Variants in ZNF438 observed in about 807,000 individuals in gnomAD.
ZNF438 encodes zinc finger protein 438.
In ZNF438, 25 loss-of-function variants were observed where a neutral mutation model predicts 38.0. The ratio of observed to expected loss-of-function variants is 0.66; its 90% CI spans 0.48 to 0.92. The LOEUF (loss-of-function observed/expected upper bound fraction) is 0.92, where lower values mean the gene tolerates loss of function less well. ZNF438 is among the 40% of genes least tolerant of loss of function. ZNF438 has a pLI of 0.00. For synonymous variants in ZNF438, 372 were observed against 364.1 expected, an observed-to-expected ratio of 1.02 and a Z score of -0.25; for missense variants, 1,007 against 999.6, an observed-to-expected ratio of 1.01 and a Z score of -0.10.
intron 1 of ZNF438, among the ~76,000 whole-genome samples, chr10:30,965,672 T>C (rs1238728799): frequency 6.6e-6 from 1 of 152,160 alleles, no homozygotes; most frequent in East Asian, 1.9e-4. Flanking sequence ...AATTAAGTAC[T>C]GCATGTCCTC....
At chr10:30,893,507 CACATA>C (rs903997121) in intron 3 of ZNF438, among the ~76,000 whole-genome samples, 2 of 152,172 alleles carry the variant, frequency 1.3e-5, no homozygotes, top group African/African-American at 2.4e-5. Context: ...AAAGTCAAAC[CACATA>C]ACATAATTAG....
At chr10:30,998,491 C>T (rs1003366015) in intron 1 of ZNF438, among the ~76,000 whole-genome samples, 3 of 123,616 alleles carry the variant, frequency 2.4e-5, no homozygotes, top group Admixed American at 1.0e-4. Context: ...TGCAGTGAGC[C>T]GAGATCACGC....
chr10:30,848,967 C>G (rs751317088), exon 5 of ZNF438: 2 of 1,613,914 alleles, frequency 1.2e-6, no homozygotes, highest in Admixed American at 1.7e-5. Context: ...TGCTTACAGC[C>G]AAGATATTTA....
intron 1 of ZNF438, among the ~76,000 whole-genome samples, chr10:30,998,172 T>C (rs2132712983): frequency 6.6e-6 from 1 of 152,274 alleles, no homozygotes; most frequent in East Asian, 1.9e-4. Context: ...GTTTCATTTA[T>C]TAAAGAAAAT....
chr10:30,848,550 T>A (rs768325291), exon 5 of ZNF438: 25 of 1,613,412 alleles, frequency 1.5e-5, no homozygotes, highest in Non-Finnish European at 2.0e-5. Flanking sequence ...GATCCCTCCA[T>A]GCCTCGCACA....
At chr10:31,007,310 C>T in intron 1 of ZNF438, among the ~76,000 whole-genome samples, 1 of 127,580 alleles carries the variant, frequency 7.8e-6, no homozygotes. Context: ...GAGACAGAGT[C>T]TCACACTGTT....
At chr10:30,879,362 C>T (rs944861744) in intron 3 of ZNF438, among the ~76,000 whole-genome samples, 7 of 152,206 alleles carry the variant, frequency 4.6e-5, no homozygotes, top group Non-Finnish European at 1.0e-4. Context: ...CTGTTTCAAA[C>T]TATTTTAACT....
At chr10:31,005,982 A>G (rs934880312) in intron 1 of ZNF438, among the ~76,000 whole-genome samples, 2 of 152,182 alleles carry the variant, frequency 1.3e-5, no homozygotes, top group African/African-American at 2.4e-5. Flanking sequence ...CAGCTTATTA[A>G]CAGATTGTGG....
At chr10:30,932,319 C>T (rs544738737) in intron 2 of ZNF438, among the ~76,000 whole-genome samples, 48 of 152,188 alleles carry the variant, frequency 3.2e-4, no homozygotes, top group Admixed American at 7.2e-4. Context: ...TTTCATAATG[C>T]TATCTTAAAT....
exon 5 of ZNF438, chr10:30,849,696 A>G (rs1171868190): frequency 1.9e-6 from 3 of 1,614,166 alleles, no homozygotes; most frequent in Non-Finnish European, 2.5e-6. Flanking sequence ...GCTTTCCCTG[A>G]AAGAGCTGTG....
At chr10:31,025,343 T>C (rs146914817) in intron 1 of ZNF438, among the ~76,000 whole-genome samples, 1 of 152,308 alleles carries the variant, frequency 6.6e-6, no homozygotes, top group East Asian at 1.9e-4. Flanking sequence ...CTCAATCCAC[T>C]AGATGCTAGG....
At chr10:30,867,131 C>T (rs1215832178) in intron 4 of ZNF438, among the ~76,000 whole-genome samples, 1 of 152,144 alleles carries the variant, frequency 6.6e-6, no homozygotes, top group Non-Finnish European at 1.5e-5. Flanking sequence ...CCATGATTAT[C>T]TGAAAAGCCT....
At chr10:30,880,530 A>C (rs1368016385) in intron 3 of ZNF438, among the ~76,000 whole-genome samples, 1 of 152,002 alleles carries the variant, frequency 6.6e-6, no homozygotes, top group Non-Finnish European at 1.5e-5. Flanking sequence ...GAATTCTTAG[A>C]CCTCTAGGCC....
chr10:30,988,677 A>G (rs1207249890), intron 1 of ZNF438, among the ~76,000 whole-genome samples: 1 of 152,188 alleles, frequency 6.6e-6, no homozygotes, highest in Admixed American at 6.5e-5. Context: ...TGTTTTAGAA[A>G]TAACTTTATT....
chr10:30,858,914 C>A (rs558626664), intron 4 of ZNF438, among the ~76,000 whole-genome samples: 2 of 152,148 alleles, frequency 1.3e-5, no homozygotes, highest in Non-Finnish European at 2.9e-5. Context: ...CACCTCACTT[C>A]GCAGGGAAGG....
chr10:30,875,768 C>A (rs2038316203), intron 4 of ZNF438, among the ~76,000 whole-genome samples: 1 of 152,230 alleles, frequency 6.6e-6, no homozygotes, highest in Non-Finnish European at 1.5e-5. Flanking sequence ...GGTCTAATTC[C>A]TGCTTACTCC....
chr10:30,949,387 T>C (rs1216345430), intron 1 of ZNF438, among the ~76,000 whole-genome samples: 1 of 152,146 alleles, frequency 6.6e-6, no homozygotes, highest in Non-Finnish European at 1.5e-5. Flanking sequence ...CAGGATCAAA[T>C]TCACATGTAA....
chr10:31,021,952 T>C (rs1439170884), intron 1 of ZNF438, among the ~76,000 whole-genome samples: 1 of 152,216 alleles, frequency 6.6e-6, no homozygotes, highest in Non-Finnish European at 1.5e-5. Context: ...TCTACGGTCG[T>C]TTGGCATTTG....
chr10:30,882,793 A>G (rs1226691050), intron 3 of ZNF438, among the ~76,000 whole-genome samples: 1 of 152,214 alleles, frequency 6.6e-6, no homozygotes, highest in Non-Finnish European at 1.5e-5. Context: ...TAAGGTTCCA[A>G]GGGTATATAC....
Sources: gnomAD v4.1 joint callset for allele counts (sites outside exome capture counted in the v4.1 genomes callset) on GRCh38, gnomAD v4.1.1 for gene constraint, MANE v1.5 for transcripts, NCBI Gene and HGNC (gene_info 2026-07-23, HGNC 2026-07-21) for gene names.